CSMD1: variants seen among roughly 807,000 people sequenced by gnomAD.
CSMD1 encodes CUB and Sushi multiple domains 1, also known as CUB and sushi domain-containing protein 1.
In CSMD1, 213 loss-of-function variants were observed where a neutral mutation model predicts 417.5. The observed-to-expected ratio is 0.51, with a 90% CI of 0.46 to 0.57. CSMD1 has a LOEUF of 0.57. CSMD1 is among the 20% of genes least tolerant of loss of function. CSMD1 has a pLI of 0.00. For synonymous variants in CSMD1, 2,862 were observed against 1,736.8 expected (o/e 1.65, Z -16.11); for missense variants, 6,923 against 4,529.7 (o/e 1.53, Z -15.17).
At chr8:4,844,006 G>C (rs527558285) in intron 1 of CSMD1, among the ~76,000 whole-genome samples, 1 of 152,154 alleles carries the variant, frequency 6.6e-6, no homozygotes, top group Non-Finnish European at 1.5e-5. Context: ...TGAGACATTT[G>C]AGAAGGATGC....
intron 1 of CSMD1, among the ~76,000 whole-genome samples, chr8:4,742,133 C>T (rs1233415933): frequency 6.8e-6 from 1 of 147,874 alleles, no homozygotes; most frequent in African/African-American, 2.5e-5. Flanking sequence ...CGGGTTCACG[C>T]CATTCTCCTG....
chr8:3,793,772 G>A (rs192580079), intron 5 of CSMD1, among the ~76,000 whole-genome samples: 1 of 152,194 alleles, frequency 6.6e-6, no homozygotes, highest in African/African-American at 2.4e-5. Context: ...GGAACTTGAC[G>A]ACAGAGACCT....
chr8:4,722,251 T>C (rs1404016554), intron 1 of CSMD1, among the ~76,000 whole-genome samples: 2 of 152,142 alleles, frequency 1.3e-5, no homozygotes, highest in Non-Finnish European at 2.9e-5. Context: ...TGACTATGCA[T>C]ATCAAGCTAT....
At chr8:3,548,419 G>C (rs988503050) in intron 10 of CSMD1, among the ~76,000 whole-genome samples, 2 of 152,000 alleles carry the variant, frequency 1.3e-5, no homozygotes, top group Admixed American at 6.6e-5. Context: ...ACTGCACCCA[G>C]TTTGTAGTCT....
intron 12 of CSMD1, among the ~76,000 whole-genome samples, chr8:3,463,210 C>T (rs895160331): frequency 6.6e-6 from 1 of 152,332 alleles, no homozygotes; most frequent in Non-Finnish European, 1.5e-5. Flanking sequence ...TCTCCCTCCA[C>T]CCAACTCCAC....
chr8:3,718,844 G>T (rs1021902645), intron 6 of CSMD1, among the ~76,000 whole-genome samples: 1 of 152,100 alleles, frequency 6.6e-6, no homozygotes, highest in Admixed American at 6.6e-5. Flanking sequence ...GATTTAACTT[G>T]GAAGCAGGTG....
intron 1 of CSMD1, among the ~76,000 whole-genome samples, chr8:4,730,663 C>T (rs964589806): frequency 6.6e-6 from 1 of 151,972 alleles, no homozygotes; most frequent in African/African-American, 2.4e-5. Context: ...ATGGTGTGAA[C>T]CCGGGAAGCG....
intron 2 of CSMD1, among the ~76,000 whole-genome samples, chr8:4,592,849 GAATTTCC>G (rs906211470): frequency 1.3e-5 from 2 of 152,016 alleles, no homozygotes; most frequent in African/African-American, 4.8e-5. Flanking sequence ...CTATTGAAAT[GAATTTCC>G]ATATTTATTG....
chr8:3,546,724 A>G (rs1798682451), intron 10 of CSMD1, among the ~76,000 whole-genome samples: 1 of 152,232 alleles, frequency 6.6e-6, no homozygotes, highest in Non-Finnish European at 1.5e-5. Flanking sequence ...ATTACTGAAG[A>G]TAAAAGGAGC....
chr8:4,485,299 C>A (rs546766786), intron 2 of CSMD1, among the ~76,000 whole-genome samples: 1 of 152,138 alleles, frequency 6.6e-6, no homozygotes, highest in East Asian at 1.9e-4. Flanking sequence ...ACATTTATCC[C>A]CAGTTGAAAT....
intron 1 of CSMD1, among the ~76,000 whole-genome samples, chr8:4,882,865 A>G (rs4875122): frequency 0.98 from 148,556 of 152,128 alleles, 72,552 homozygotes; most frequent in East Asian, 1. Flanking sequence ...TAAGACTTTG[A>G]AGGAAGAAAG....
At chr8:3,698,801 T>G (rs180806347) in intron 7 of CSMD1, among the ~76,000 whole-genome samples, 1 of 152,362 alleles carries the variant, frequency 6.6e-6, no homozygotes, top group African/African-American at 2.4e-5. Flanking sequence ...TCTGGTTATC[T>G]GGAAAATTAT....
chr8:4,949,204 C>T (rs79471000), intron 1 of CSMD1, among the ~76,000 whole-genome samples: 10,402 of 152,140 alleles, frequency 0.068, 437 homozygotes, highest in Middle Eastern at 0.15. Flanking sequence ...AATACCATTG[C>T]ATTTGGTTTG....
chr8:4,647,474 A>G (rs1418873839), intron 1 of CSMD1, among the ~76,000 whole-genome samples: 3 of 148,126 alleles, frequency 2.0e-5, no homozygotes, highest in Non-Finnish European at 2.9e-5. Context: ...CTACGTAGGT[A>G]CGCGTGTGCC....
chr8:3,774,415 G>C (rs1798791059), intron 5 of CSMD1, among the ~76,000 whole-genome samples: 1 of 152,170 alleles, frequency 6.6e-6, no homozygotes, highest in East Asian at 1.9e-4. Flanking sequence ...GATGCCGTCA[G>C]CCTGCTTTCC....
At chr8:4,756,396 C>A (rs977460424) in intron 1 of CSMD1, among the ~76,000 whole-genome samples, 2 of 152,084 alleles carry the variant, frequency 1.3e-5, no homozygotes, top group African/African-American at 2.4e-5. Context: ...TCTGACCCGA[C>A]CAAGTTGAAG....
At chr8:3,348,897 T>C (rs117397567) in intron 21 of CSMD1, among the ~76,000 whole-genome samples, 2,998 of 152,232 alleles carry the variant, frequency 0.02, 48 homozygotes, top group South Asian at 0.044. Flanking sequence ...TGTCTCACAG[T>C]GAAAGTGAAC....
chr8:4,465,998 A>T (rs1463025440), intron 2 of CSMD1, among the ~76,000 whole-genome samples: 1 of 152,236 alleles, frequency 6.6e-6, no homozygotes, highest in Non-Finnish European at 1.5e-5. Context: ...AGACTGAGAC[A>T]TTAAAGATGT....
chr8:4,753,291 G>C (rs13277205), intron 1 of CSMD1, among the ~76,000 whole-genome samples: 1 of 151,446 alleles, frequency 6.6e-6, no homozygotes, highest in Non-Finnish European at 1.5e-5. Flanking sequence ...GGATGATGAG[G>C]AATTTTGGAA....
Sources: gnomAD v4.1 joint callset for allele counts (sites outside exome capture counted in the v4.1 genomes callset) on GRCh38, gnomAD v4.1.1 for gene constraint, MANE v1.5 for transcripts, NCBI Gene and HGNC (gene_info 2026-07-23, HGNC 2026-07-21) for gene names.